The following NMD3 variants were observed in gnomAD, a reference collection of about 807,000 sequenced individuals.
NMD3 encodes the protein 60S ribosomal export protein NMD3.
A neutral mutation model predicts 73.1 loss-of-function variants in NMD3; 47 were observed. The observed-to-expected ratio is 0.64, with a 90% CI of 0.51 to 0.82. The LOEUF is 0.82. Among genes scored for constraint, NMD3 ranks in the 40% least tolerant of loss-of-function variants. The pLI, the probability that NMD3 is intolerant of heterozygous loss-of-function variation, is 0.00. For synonymous variants in NMD3, 210 were observed against 194.5 expected (o/e 1.08, Z -0.66); for missense variants, 554 against 612.5 (o/e 0.90, Z 1.01).
chr3:161,229,180 G>A (rs991163847), intron 4 of NMD3, among the ~76,000 whole-genome samples: 8 of 152,148 alleles, frequency 5.3e-5, no homozygotes, highest in African/African-American at 9.7e-5. Context: ...GCCCTTATAG[G>A]GGCTGTTTCT....
intron 7 of NMD3, among the ~76,000 whole-genome samples, chr3:161,237,557 T>TG (rs1736805862): frequency 9.1e-6 from 1 of 110,126 alleles, no homozygotes; most frequent in East Asian, 3.6e-4. Context: ...TTTTTTTTTT[T>TG]GACATGAAGT....
intron 4 of NMD3, among the ~76,000 whole-genome samples, chr3:161,228,161 C>T (rs1576843667): frequency 6.6e-6 from 1 of 152,090 alleles, no homozygotes; most frequent in South Asian, 2.1e-4. Flanking sequence ...TTATGACTCA[C>T]TTCTACCATG....
Position 161,224,949 on chromosome 3 carries a change from G to T in NMD3, c.64G>T (p.Val22Phe). 6.2e-7 allele frequency: 1 copy of T among 1,612,988 alleles called. No homozygotes were observed. The highest frequency in any genetic ancestry group is 2.2e-5 in the East Asian group (1 of 44,814). The change falls in exon 3 of 16, where the codon GTT becomes TTT. Residue 22 changes from valine (V) to phenylalanine (F), a missense_variant. Coordinates refer to ENST00000351193, the MANE Select transcript of NMD3 (RefSeq NM_015938.5). ...PGHILCCECG[V>F]PISPNPANIC... ...TTAAAGCTTGTGCTGTGAGTGTGGTGTTCCGATAAGTCCAAATCCTGCCAA... is the reference window on the plus strand; with the variant it reads ...TTAAAGCTTGTGCTGTGAGTGTGGTTTTCCGATAAGTCCAAATCCTGCCAA...
intron 8 of NMD3, 114 bp downstream of exon 8, chr3:161,238,305 C>A: frequency 1.4e-6 from 1 of 718,880 alleles, no homozygotes; most frequent in Non-Finnish European, 2.3e-6. Context: ...AGTAGAAATA[C>A]TTACACAATC....
intron 4 of NMD3, among the ~76,000 whole-genome samples, chr3:161,230,638 A>G (rs762111193): frequency 2.6e-5 from 4 of 152,214 alleles, no homozygotes; most frequent in Non-Finnish European, 4.4e-5. Context: ...ACAAGTATTC[A>G]GCACTTACTC....
chr3:161,224,901 G>A (rs1447722872), intron 2 of NMD3, 29 bp from the exon 3 acceptor site: 1 of 1,548,800 alleles, frequency 6.5e-7, no homozygotes, highest in South Asian at 1.2e-5. Flanking sequence ...AAAATCTAAT[G>A]TGAAAAATTT....
At chr3:161,236,480 T>C (rs1036539134) in intron 7 of NMD3, among the ~76,000 whole-genome samples, 7 of 152,170 alleles carry the variant, frequency 4.6e-5, no homozygotes, top group African/African-American at 1.7e-4. Context: ...ACTGCATATA[T>C]GGTTTGCACA....
Position 161,227,362 on chromosome 3 carries a change from A to C in NMD3, c.276+19A>C. On this transcript the variant is annotated intron_variant, in intron 4 of 15. Transcript: ENST00000351193. Reference sequence around the variant, plus strand: ...GAGTAAGGTAAGTTAAACAGCTAAAATCAGTATTCATAGGTATGTTTTCAT... The same window carrying C: ...GAGTAAGGTAAGTTAAACAGCTAAACTCAGTATTCATAGGTATGTTTTCAT... 1 of 1,417,996 alleles carries C rather than the reference A, an allele frequency of 7.1e-7. No homozygotes were observed. Among genetic ancestry groups the C allele is most frequent in the Non-Finnish European group, 9.9e-7 (1 of 1,005,878 alleles). 87.8% of individuals were successfully genotyped at this position (1,417,996 alleles called of 1,614,324 possible). A position where few individuals can be genotyped will look rare whatever the true frequency, so the allele number is the denominator to read the frequency against.
In NMD3 at chr3:161,238,204, CCTTGAATGTGACTAAATCTAAGGA is replaced by C; in HGVS notation, c.656+18_656+41del. 6.6e-7 allele frequency: 1 copy of C among 1,525,720 alleles called. No homozygotes were observed. The highest frequency in any genetic ancestry group is 9.0e-7 in the Non-Finnish European group (1 of 1,113,558). The allele number at this position is 1,525,720 out of a possible 1,614,324, so 94.5% of individuals were successfully genotyped here. A position where few individuals can be genotyped will look rare whatever the true frequency, so the allele number is the denominator to read the frequency against. On this transcript the variant is annotated intron_variant, in intron 8 of 15. Coordinates refer to ENST00000351193, the MANE Select transcript of NMD3 (RefSeq NM_015938.5). ...CAGTTCCCTGTAGGTATGTTCTGAA[CCTTGAATGTGACTAAATCTAAGGA>C]CTTGGGAATGGATGCGGATCACATA...
intron 4 of NMD3, among the ~76,000 whole-genome samples, chr3:161,227,932 T>G (rs185519936): frequency 7.9e-4 from 121 of 152,332 alleles, no homozygotes; most frequent in Non-Finnish European, 5.7e-4. Flanking sequence ...GAAATTTTTA[T>G]GTAAAACCAT....
chr3:161,239,074 A>G (rs1439815346), intron 9 of NMD3, among the ~76,000 whole-genome samples: 1 of 152,152 alleles, frequency 6.6e-6, no homozygotes. Flanking sequence ...GTTATAGTTG[A>G]TAAAAGTCCG....
At chr3:161,250,718 T>C in intron 15 of NMD3, 62 bp from the exon 16 acceptor site, 1 of 1,004,246 alleles carries the variant, frequency 1.0e-6, no homozygotes, top group Non-Finnish European at 1.4e-6. Context: ...TTCAAATATA[T>C]TTAATACTTT....
At chr3:161,237,436 A>AT (rs1300232398) in intron 7 of NMD3, among the ~76,000 whole-genome samples, 26 of 145,648 alleles carry the variant, frequency 1.8e-4, no homozygotes, top group Middle Eastern at 3.8e-3. Context: ...ATATTTGTTA[A>AT]TTTTTTCTTT....
intron 4 of NMD3, among the ~76,000 whole-genome samples, chr3:161,229,045 A>G (rs1736436594): frequency 6.6e-6 from 1 of 152,198 alleles, no homozygotes; most frequent in Non-Finnish European, 1.5e-5. Context: ...GGGGTAAAGA[A>G]AACAAATGTA....
In NMD3 at chr3:161,221,958, C is replaced by CTT. The variant is rs376329329; in HGVS notation, c.-20-7_-20-6dup. 7,319 of 862,098 alleles carry CTT rather than the reference C, an allele frequency of 8.5e-3. 154 individuals are homozygous for CTT. Among genetic ancestry groups the CTT allele is most frequent in the South Asian group, 0.011 (647 of 61,450 alleles). 53.4% of individuals were successfully genotyped at this position (862,098 alleles called of 1,614,324 possible). On this transcript the variant is annotated intron_variant, in intron 1 of 15. Transcript: ENST00000351193. Reference sequence around the variant, plus strand: ...AAAGTGATTTAAATCCCAACATTCTCTTTTTTTTTTTTTTTTTTTTTTTTT... The same window carrying CTT: ...AAAGTGATTTAAATCCCAACATTCTCTTTTTTTTTTTTTTTTTTTTTTTTTTT...
intron 11 of NMD3, among the ~76,000 whole-genome samples, chr3:161,244,208 C>T (rs1229958259): frequency 6.6e-6 from 1 of 152,196 alleles, no homozygotes; most frequent in East Asian, 1.9e-4. Flanking sequence ...TAGCTCACTG[C>T]AGCCTCAAAC....
intron 5 of NMD3, 122 bp from the exon 6 acceptor site, chr3:161,234,605 A>G: frequency 1.5e-6 from 1 of 686,040 alleles, no homozygotes; most frequent in Non-Finnish European, 2.3e-6. Context: ...AGGACATTTG[A>G]TTGATGTCCT....
At chr3:161,235,295 A>T (rs908962312) in intron 7 of NMD3, 83 bp downstream of exon 7, 3 of 662,648 alleles carry the variant, frequency 4.5e-6, no homozygotes, top group Admixed American at 5.8e-5. Flanking sequence ...TACTGATAAT[A>T]TCTGGATTAG....
chr3:161,238,308 A>G (rs1295175582), intron 8 of NMD3, 117 bp downstream of exon 8: 3 of 715,364 alleles, frequency 4.2e-6, no homozygotes, highest in Non-Finnish European at 7.1e-6. Flanking sequence ...AGAAATACTT[A>G]CACAATCAGG....
Sources: gnomAD v4.1 joint callset for allele counts (sites outside exome capture counted in the v4.1 genomes callset) on GRCh38, gnomAD v4.1.1 for gene constraint, MANE v1.5 for transcripts, NCBI Gene and HGNC (gene_info 2026-07-23, HGNC 2026-07-21) for gene names.